Variants in CHD6 observed in about 807,000 individuals in gnomAD.
CHD6 encodes ATP-dependent chromatin remodeler CHD6.
CHD6 carries 50 observed loss-of-function variants against 276.9 expected under a neutral mutation model. That is an observed-to-expected ratio of 0.18 (90% CI 0.14 to 0.23). The LOEUF (loss-of-function observed/expected upper bound fraction) is 0.23, where lower values mean the gene tolerates loss of function less well. Among genes scored for constraint, CHD6 ranks in the 10% least tolerant of loss-of-function variants. The pLI is 1.00. For synonymous variants in CHD6, 1,173 were observed against 1,229.3 expected (o/e 0.95, Z 0.96); for missense variants, 2,564 against 3,365.8 (o/e 0.76, Z 5.89).
At chr20:41,417,663 G>C (rs1398557408) in intron 31 of CHD6, among the ~76,000 whole-genome samples, 1 of 152,158 alleles carries the variant, frequency 6.6e-6, no homozygotes, top group Non-Finnish European at 1.5e-5. Flanking sequence ...TAACCACAAA[G>C]AGGCTTCTCA....
rs1371308738 is a variant in CHD6 at position 41,526,035 on chromosome 20, C to A, written c.554+7015G>T. 3.3e-5 allele frequency among the ~76,000 whole-genome samples: 5 copies of A among 152,158 alleles called. No homozygotes were observed. The East Asian group carries it at 9.7e-4, about 29-fold the overall frequency. ...ACACAGAAGAGGCAATAAAAATATACTGGATAAATGAGTAGGCATTTATCA... is the reference window on the plus strand; with the variant it reads ...ACACAGAAGAGGCAATAAAAATATAATGGATAAATGAGTAGGCATTTATCA... On this transcript the variant is annotated intron_variant, in intron 3 of 36. Coordinates refer to ENST00000373233, the MANE Select transcript of CHD6 (RefSeq NM_032221.5).
chr20:41,579,129 CAAAAA>C (rs58395642), intron 1 of CHD6, among the ~76,000 whole-genome samples: 19 of 42,824 alleles, frequency 4.4e-4, no homozygotes, highest in Non-Finnish European at 8.1e-4. Flanking sequence ...GACTCCATCT[CAAAAA>C]AAAAAAAAAA....
chr20:41,423,442 A>T (rs745442024), intron 30 of CHD6, 50 bp downstream of exon 30: 3 of 1,552,430 alleles, frequency 1.9e-6, no homozygotes, highest in Middle Eastern at 3.4e-4. Context: ...TTTGAAAATC[A>T]GAATGTTCTT....
intron 17 of CHD6, 82 bp from the exon 18 acceptor site, chr20:41,457,510 G>T: frequency 6.8e-7 from 1 of 1,471,712 alleles, no homozygotes; most frequent in South Asian, 1.3e-5. Context: ...GTGCTTAAAT[G>T]TCATGTGGTG....
chr20:41,415,746 CT>C, intron 33 of CHD6, 108 bp from the exon 34 acceptor site: 3 of 840,736 alleles, frequency 3.6e-6, no homozygotes, highest in Non-Finnish European at 5.5e-6. Flanking sequence ...TTCCAATCAT[CT>C]TTTTAGGAGT....
In CHD6 at chr20:41,421,453, T is replaced by C. The variant is rs1230530808; in HGVS notation, c.5182A>G (p.Thr1728Ala). ...GTAATAACATCTTTTCTAGATTCAG[T>C]ATTGGTACTTGGGCTCTCCTGAAAA... The part of the protein sequence containing the change: ...SSFQESPSTN[T>A]ESRKDVITIS... The change falls in exon 31 of 37, where the codon ACT (threonine) becomes GCT (alanine). Residue 1728 changes from threonine to alanine, a missense_variant. Physicochemically the swap from Thr to Ala is moderately conservative, Grantham distance 58. Transcript: ENST00000373233. The C allele has an allele frequency of 6.2e-7, 1 of 1,614,190 alleles. No individual in the cohort carries two copies.
In CHD6 at chr20:41,457,312, C is replaced by T. The variant is rs1467868226; in HGVS notation, c.2781G>A (p.Leu927=). The part of the protein sequence containing the change: ...MFDKASLKLG[L]DKAVLQDINR... Reference sequence around the variant, plus strand: ...TGATGTCCTGAAGAACAGCCTTGTCCAGCCCCAGCTTTAGGCTGGCCTTGT... The same window carrying T: ...TGATGTCCTGAAGAACAGCCTTGTCTAGCCCCAGCTTTAGGCTGGCCTTGT... The change falls in exon 18 of 37, where the codon CTG becomes CTA. Residue 927 remains leucine, a synonymous_variant. Transcript: ENST00000373233. 1 of 1,614,012 alleles carries T rather than the reference C, an allele frequency of 6.2e-7. No homozygotes were observed. Among genetic ancestry groups the T allele is most frequent in the East Asian group, 2.2e-5 (1 of 44,880 alleles).
chr20:41,487,315 T>C (rs765177290), intron 14 of CHD6, among the ~76,000 whole-genome samples: 14 of 152,094 alleles, frequency 9.2e-5, no homozygotes, highest in Non-Finnish European at 1.2e-4. Flanking sequence ...GGATGAAGGA[T>C]GAGGGAAGCA....
intron 1 of CHD6, among the ~76,000 whole-genome samples, chr20:41,557,649 T>C (rs1003532707): frequency 4.6e-5 from 7 of 152,208 alleles, no homozygotes; most frequent in Non-Finnish European, 8.8e-5. Context: ...TACAAGAGTG[T>C]GTGTTTTTGC....
chr20:41,503,222 A>T lies in CHD6; in HGVS notation c.853-3865T>A, dbSNP rs554242784. On this transcript the variant is annotated intron_variant, in intron 5 of 36. Coordinates refer to ENST00000373233, the MANE Select transcript of CHD6 (RefSeq NM_032221.5). Reference sequence around the variant, plus strand: ...TGTCGCTAGTTTATAGAAATAAAAAATACGTATTTGCATATTGTCTTTATG... The same window carrying T: ...TGTCGCTAGTTTATAGAAATAAAAATTACGTATTTGCATATTGTCTTTATG... Among the ~76,000 whole-genome samples, 10 of 152,330 alleles carry T rather than the reference A, an allele frequency of 6.6e-5. No individual in the cohort carries two copies. The South Asian group carries it at 2.1e-3, about 32-fold the overall frequency.
chr20:41,523,504 C>T (rs1257066672), intron 3 of CHD6, among the ~76,000 whole-genome samples: 3 of 152,188 alleles, frequency 2.0e-5, no homozygotes, highest in Non-Finnish European at 4.4e-5. Context: ...AACTCCCAAT[C>T]AGTTATATCA....
At chr20:41,465,444 T>C (rs762088323) in intron 17 of CHD6, among the ~76,000 whole-genome samples, 5 of 151,988 alleles carry the variant, frequency 3.3e-5, no homozygotes, top group Non-Finnish European at 7.4e-5. Context: ...CTGAGAACAG[T>C]CCACAAAACA....
chr20:41,574,179 GGGGAGA>G (rs1247961174), intron 1 of CHD6, among the ~76,000 whole-genome samples: 8 of 151,682 alleles, frequency 5.3e-5, no homozygotes. Context: ...GACAGGGGGT[GGGGAGA>G]GGGAGAGGCA....
rs75078068 is a variant in CHD6 at position 41,408,847 on chromosome 20, C to A, written c.7251+3297G>T. ...TCTTTTCAAGCAATCTGCTATAAAT[C>A]AGATCTTCTTTAACATGCTTTGAGA... On this transcript the variant is annotated intron_variant, in intron 36 of 36. Transcript: ENST00000373233. 2.4e-4 allele frequency among the ~76,000 whole-genome samples: 36 copies of A among 152,354 alleles called. 1 individual carries two copies. In the East Asian group the frequency reaches 6.6e-3, roughly 28 times the overall value.
intron 14 of CHD6, among the ~76,000 whole-genome samples, chr20:41,486,448 AAT>A (rs1394074598): frequency 3.3e-5 from 5 of 152,188 alleles, no homozygotes; most frequent in African/African-American, 1.2e-4. Flanking sequence ...TTTGAAAATC[AAT>A]AGATAGGGCA....
rs376232267 is a variant in CHD6 at position 41,506,843 on chromosome 20, T to C, written c.852+6003A>G. ...GGTGTTATTTCCAGAAATTAGATAG[T>C]CCTTGGCATATAGTAGGTGCTCAAT... On this transcript the variant is annotated intron_variant, in intron 5 of 36. Transcript: ENST00000373233. Among the ~76,000 whole-genome samples, 20 of 152,308 alleles carry C rather than the reference T, an allele frequency of 1.3e-4. No homozygotes were observed. In the East Asian group the frequency reaches 1.7e-3, roughly 13 times the overall value.
At chr20:41,501,708 T>C (rs1171868402) in intron 5 of CHD6, among the ~76,000 whole-genome samples, 1 of 152,200 alleles carries the variant, frequency 6.6e-6, no homozygotes, top group African/African-American at 2.4e-5. Context: ...TGTCTAATTT[T>C]AATAAATATT....
intron 23 of CHD6, 35 bp from the exon 24 acceptor site, chr20:41,448,006 A>G (rs1426186875): frequency 1.5e-6 from 2 of 1,319,132 alleles, no homozygotes; most frequent in Admixed American, 1.8e-5. Flanking sequence ...CAAACAAATT[A>G]GAACCCATAA....
chr20:41,482,786 T>C (rs1170005541), intron 16 of CHD6, among the ~76,000 whole-genome samples: 3 of 152,188 alleles, frequency 2.0e-5, no homozygotes, highest in Non-Finnish European at 4.4e-5. Flanking sequence ...CAAGGAATTC[T>C]AAGAGTATGA....
Sources: gnomAD v4.1 joint callset for allele counts (sites outside exome capture counted in the v4.1 genomes callset) on GRCh38, gnomAD v4.1.1 for gene constraint, MANE v1.5 for transcripts, NCBI Gene and HGNC (gene_info 2026-07-23, HGNC 2026-07-21) for gene names.